Variants in PCDHGA8 observed in about 807,000 individuals in gnomAD.
The protein encoded by PCDHGA8 is protocadherin gamma subfamily A, 8.
Under a neutral mutation model 59.2 loss-of-function variants are expected in PCDHGA8, and 45 were observed. The observed-to-expected ratio is 0.76, with a 90% CI of 0.60 to 0.98. The LOEUF is 0.98. Ranked by LOEUF, PCDHGA8 falls within the 50% of genes least tolerant of loss-of-function variation. The pLI is 0.00. For synonymous variants in PCDHGA8, 531 were observed against 519.0 expected (o/e 1.02, Z -0.32); for missense variants, 1,257 against 1,196.2 (o/e 1.05, Z -0.75).
chr5:141,423,693 G>T lies in PCDHGA8; in HGVS notation c.2424+28456G>T, dbSNP rs114008539. On this transcript the variant is annotated intron_variant, in intron 1 of 3. Transcript: ENST00000398604. ...TTATTTCTCTGCCTCCTAATTGTTG[G>T]TGTCTTGGCACAAGTCTTTTAAGGA... 910 of 1,396,244 alleles carry T rather than the reference G, an allele frequency of 6.5e-4. 7 individuals carry two copies. The African/African-American group carries it at 0.012, about 18-fold the overall frequency. 86.5% of individuals were successfully genotyped at this position (1,396,244 alleles called of 1,614,324 possible).
intron 1 of PCDHGA8, chr5:141,412,359 A>G (rs2095550851): frequency 6.6e-6 from 1 of 152,226 alleles, no homozygotes; most frequent in Non-Finnish European, 1.5e-5. Flanking sequence ...GTTTGTGATT[A>G]CCTGCTTAAT....
At chr5:141,412,987 A>T (rs192699644) in intron 1 of PCDHGA8, 1 of 564,522 alleles carries the variant, frequency 1.8e-6, no homozygotes, top group African/African-American at 1.9e-5. Flanking sequence ...GCCAGAGCTC[A>T]ATCCGGATTC....
intron 1 of PCDHGA8, chr5:141,399,141 C>G: frequency 6.2e-7 from 1 of 1,613,778 alleles, no homozygotes; most frequent in Non-Finnish European, 8.5e-7. Flanking sequence ...ATGAAAATGA[C>G]AATAGCCCAG....
chr5:141,417,704 A>G, intron 1 of PCDHGA8: 2 of 1,207,460 alleles, frequency 1.7e-6, no homozygotes, highest in Non-Finnish European at 1.1e-6. Context: ...GCTCCCACAC[A>G]GAGGCTCCCG....
At chr5:141,483,224 G>A (rs530779494) in intron 1 of PCDHGA8, among the ~76,000 whole-genome samples, 17 of 152,242 alleles carry the variant, frequency 1.1e-4, no homozygotes, top group Middle Eastern at 3.4e-3. Flanking sequence ...AGTCACTGCA[G>A]AAATTTGAAC....
At chr5:141,427,603 T>G in intron 1 of PCDHGA8, 2 of 681,440 alleles carry the variant, frequency 2.9e-6, no homozygotes, top group East Asian at 2.8e-5. Flanking sequence ...ACCCTACGCA[T>G]TGGTGAAGTC....
chr5:141,498,880 C>G (rs1334510457), intron 2 of PCDHGA8, among the ~76,000 whole-genome samples: 1 of 150,028 alleles, frequency 6.7e-6, no homozygotes, highest in African/African-American at 2.4e-5. Flanking sequence ...TTGCAGTGAG[C>G]TGAGATCACA....
chr5:141,400,776 G>A (rs1461818790), intron 1 of PCDHGA8: 9 of 557,602 alleles, frequency 1.6e-5, no homozygotes, highest in Middle Eastern at 4.6e-4. Context: ...CATTTGGTGC[G>A]TTTTTTTGTC....
chr5:141,493,336 A>G lies in PCDHGA8; in HGVS notation c.2425-1471A>G, dbSNP rs1049621539. Among the ~76,000 whole-genome samples, 4 of 152,202 alleles carry G rather than the reference A, an allele frequency of 2.6e-5. No homozygotes were observed. Among genetic ancestry groups the G allele is most frequent in the African/African-American group, 9.7e-5 (4 of 41,450 alleles). On this transcript the variant is annotated intron_variant, in intron 1 of 3. Transcript: ENST00000398604. The surrounding 1 kb of genome is among the most constrained non-coding windows in gnomAD (Gnocchi z 4.3). ...GAGATTCTAACCCCTGTCTAACTCC[A>G]GAATGTGTGCTTTTAATTTCTTGGC...
At chr5:141,409,878 C>T in intron 1 of PCDHGA8, 4 of 1,612,952 alleles carry the variant, frequency 2.5e-6, no homozygotes, top group Middle Eastern at 1.6e-4. Flanking sequence ...AATGACAACG[C>T]ACCGCGGGTG....
chr5:141,399,597 C>T, intron 1 of PCDHGA8: 1 of 1,613,958 alleles, frequency 6.2e-7, no homozygotes, highest in Non-Finnish European at 8.5e-7. Flanking sequence ...TCATGGCCAG[C>T]GACCTAGAGC....
At chr5:141,500,436 C>G (rs1318326111) in intron 2 of PCDHGA8, among the ~76,000 whole-genome samples, 2 of 151,836 alleles carry the variant, frequency 1.3e-5, no homozygotes, top group African/African-American at 2.4e-5. Flanking sequence ...GTCTCGATCT[C>G]CTGACCTCGT....
Position 141,477,209 on chromosome 5 carries a change from G to A in PCDHGA8, c.2425-17598G>A. ...CGTGTACAGCCCAGTACCCGAGGAT[G>A]CCCCTCTGGGGACTGTCATCGCTTT... is the stretch of plus-strand genomic sequence containing the variant. On this transcript the variant is annotated intron_variant, in intron 1 of 3. Coordinates refer to ENST00000398604, the MANE Select transcript of PCDHGA8 (RefSeq NM_032088.2). This position sits in a 1 kb window ranked among gnomAD's most constrained non-coding sequence, Gnocchi z 4.9. The A allele has an allele frequency of 6.2e-7, 1 of 1,614,194 alleles. No homozygotes were observed.
rs1380425662 is a variant in PCDHGA8 at position 141,394,302 on chromosome 5, C to T, written c.1489C>T (p.Gln497Ter). ...VTYSVTEDTLQGAPLSSYISI... is the reference protein window; with the variant it reads ...VTYSVTEDTL Reference sequence around the variant, plus strand: ...TTACTCTGTGACCGAGGACACGCTGCAGGGGGCGCCCCTGTCCTCGTATAT... The same window carrying T: ...TTACTCTGTGACCGAGGACACGCTGTAGGGGGCGCCCCTGTCCTCGTATAT... Residue 497 changes from glutamine to a stop codon, truncating the protein, a stop_gained, in exon 1 of 4, where the codon CAG becomes TAG. Transcript: ENST00000398604. LOFTEE classifies it high-confidence loss of function. The T allele has an allele frequency of 6.2e-7, 1 of 1,614,010 alleles. No individual in the cohort carries two copies. Among genetic ancestry groups the T allele is most frequent in the Non-Finnish European group, 8.5e-7 (1 of 1,179,892 alleles).
At position 141,392,656 on chromosome 5, in the gene PCDHGA8, G is replaced by T; in HGVS notation, c.-158G>T. ...TCACACCTCACGAAGACCCGCAGATGCCACAAACTAACTGCTGGACTGCAG... is the reference window on the plus strand; with the variant it reads ...TCACACCTCACGAAGACCCGCAGATTCCACAAACTAACTGCTGGACTGCAG... On this transcript the variant is annotated 5_prime_UTR_variant, in exon 1 of 4. An upstream start codon of the reference 5' UTR is lost. Coordinates refer to ENST00000398604, the MANE Select transcript of PCDHGA8 (RefSeq NM_032088.2). 1 of 748,568 alleles carries T rather than the reference G, an allele frequency of 1.3e-6. No homozygotes were observed. The highest frequency in any genetic ancestry group is 2.2e-5 in the South Asian group (1 of 45,918). 46.4% of individuals were successfully genotyped at this position (748,568 alleles called of 1,614,324 possible). A position where few individuals can be genotyped will look rare whatever the true frequency, so the allele number is the denominator to read the frequency against.
At chr5:141,426,639 AATGTGATGATAGAAGATATAAATG>A (rs1418104928) in intron 1 of PCDHGA8, 1 of 407,642 alleles carries the variant, frequency 2.5e-6, no homozygotes, top group Non-Finnish European at 5.0e-6. Context: ...TTTTCACATA[AATGTGATGATAGAAGATATAAATG>A]ATAACCCACC....
At chr5:141,498,222 T>A (rs1258826914) in intron 2 of PCDHGA8, among the ~76,000 whole-genome samples, 1 of 152,218 alleles carries the variant, frequency 6.6e-6, no homozygotes, top group East Asian at 1.9e-4. Flanking sequence ...GCATTCCAGA[T>A]GGTCAGGCAT....
At chr5:141,427,897 C>T (rs866283444) in intron 1 of PCDHGA8, 1 of 1,571,008 alleles carries the variant, frequency 6.4e-7, no homozygotes. Context: ...CAGGGCTCGC[C>T]CGCGCTCAGC....
At chr5:141,434,392 C>T (rs906051301) in intron 1 of PCDHGA8, among the ~76,000 whole-genome samples, 4 of 152,210 alleles carry the variant, frequency 2.6e-5, no homozygotes, top group African/African-American at 9.6e-5. Context: ...TGGCCATAAA[C>T]AAAATCTCTG....
Sources: allele counts gnomAD v4.1 joint callset (sites outside exome capture counted in the v4.1 genomes callset), GRCh38; gene constraint gnomAD v4.1.1; non-coding constraint Gnocchi (gnomAD v3.1); transcripts MANE v1.5; gene names NCBI Gene and HGNC (gene_info 2026-07-23, HGNC 2026-07-21).